Variants in PDCD11 observed in about 807,000 individuals in gnomAD.
PDCD11 encodes protein RRP5 homolog.
Under a neutral mutation model 198.9 loss-of-function variants are expected in PDCD11, and 97 were observed. That is an observed-to-expected ratio of 0.49 (90% CI 0.41 to 0.58). PDCD11 has a LOEUF of 0.58. Among genes scored for constraint, PDCD11 ranks in the 20% least tolerant of loss-of-function variants. PDCD11 has a pLI of 0.00. For missense variants in PDCD11, 2,102 were observed against 2,312.7 expected, an observed-to-expected ratio of 0.91 and a Z score of 1.87; for synonymous variants, 893 against 918.0, an observed-to-expected ratio of 0.97 and a Z score of 0.49.
intron 21 of PDCD11, among the ~76,000 whole-genome samples, chr10:103,430,208 G>A (rs1444980195): frequency 6.6e-6 from 1 of 152,154 alleles, no homozygotes; most frequent in East Asian, 1.9e-4. Context: ...GCCCAGGCTG[G>A]TCTCAAACTT....
intron 33 of PDCD11, 43 bp downstream of exon 33, chr10:103,443,376 C>T: frequency 5.8e-6 from 9 of 1,543,242 alleles, no homozygotes; most frequent in Non-Finnish European, 7.9e-6. Flanking sequence ...AGTTCCAGGG[C>T]CACAATCTCA....
At chr10:103,416,400 C>T (rs2031109169) in intron 12 of PDCD11, 91 bp from the exon 13 acceptor site, 11 of 1,368,114 alleles carry the variant, frequency 8.0e-6, no homozygotes, top group South Asian at 2.6e-5. Flanking sequence ...GGAATGGCCC[C>T]GTGGCTTTTG....
chr10:103,410,669 C>T (rs1203680329), intron 8 of PDCD11, among the ~76,000 whole-genome samples: 4 of 146,470 alleles, frequency 2.7e-5, no homozygotes, highest in Admixed American at 1.4e-4. Context: ...AGTGCAGTGG[C>T]GCAAACACGG....
At chr10:103,445,293 G>A (rs2032557921) in intron 35 of PDCD11, 85 bp from the exon 36 acceptor site, 1 of 1,300,964 alleles carries the variant, frequency 7.7e-7, no homozygotes, top group Non-Finnish European at 1.1e-6. Flanking sequence ...CTGGTTCCAG[G>A]GCTGAGAGCA....
At chr10:103,406,854 AT>A in intron 7 of PDCD11, 64 bp downstream of exon 7, 2 of 1,334,122 alleles carry the variant, frequency 1.5e-6, no homozygotes, top group Non-Finnish European at 2.1e-6. Context: ...TATTAAATGC[AT>A]AAAGTCTAAA....
In PDCD11 at chr10:103,405,965, G is replaced by A. The variant is rs1277032460; in HGVS notation, c.565-20G>A. On this transcript the variant is annotated intron_variant, in intron 5 of 35. Coordinates refer to ENST00000369797, the MANE Select transcript of PDCD11 (RefSeq NM_014976.2). The stretch of plus-strand genomic sequence containing the variant: ...ATTACCTTTGAATTGGAACTTCTGG[G>A]ACTACTTTCTCTTCCCCAGCTACTT... The A allele has an allele frequency of 1.1e-5, 18 of 1,612,532 alleles. No individual in the cohort carries two copies. Among genetic ancestry groups the A allele is most frequent in the Non-Finnish European group, 1.5e-5 (18 of 1,179,006 alleles).
chr10:103,400,654 T>C (rs2029975019), intron 3 of PDCD11, 126 bp downstream of exon 3: 3 of 937,560 alleles, frequency 3.2e-6, no homozygotes, highest in Non-Finnish European at 4.8e-6. Context: ...TTATATTTCA[T>C]GCGTGTGTGT....
intron 4 of PDCD11, 73 bp from the exon 5 acceptor site, chr10:103,404,949 G>A (rs774977940): frequency 2.1e-6 from 3 of 1,442,554 alleles, no homozygotes; most frequent in Non-Finnish European, 1.9e-6. Flanking sequence ...AAGTCACTGA[G>A]CCAAAGCTGG....
At chr10:103,423,490 T>C in intron 18 of PDCD11, 53 bp from the exon 19 acceptor site, 1 of 1,330,568 alleles carries the variant, frequency 7.5e-7, no homozygotes, top group East Asian at 2.3e-5. Flanking sequence ...GAGGTGCTGC[T>C]CTCCCTTCAC....
At chr10:103,409,581 G>A in intron 7 of PDCD11, 118 bp from the exon 8 acceptor site, 2 of 680,516 alleles carry the variant, frequency 2.9e-6, no homozygotes, top group East Asian at 5.2e-5. Context: ...AGTTACCTGG[G>A]AGAGGAGAGA....
intron 17 of PDCD11, 39 bp from the exon 18 acceptor site, chr10:103,422,949 T>C (rs1413180996): frequency 5.6e-6 from 8 of 1,421,122 alleles, no homozygotes; most frequent in Non-Finnish European, 7.4e-6. Flanking sequence ...GAGAGTTCTT[T>C]CATGGTACTA....
chr10:103,438,268 C>A (rs1215380922), intron 26 of PDCD11, among the ~76,000 whole-genome samples, 197 bp downstream of exon 26: 4 of 152,164 alleles, frequency 2.6e-5, no homozygotes, highest in Non-Finnish European at 5.9e-5. Context: ...CTCTTGTTTT[C>A]CATGGAAAGG....
At position 103,418,426 on chromosome 10, in the gene PDCD11, T is replaced by C. The variant is rs749610035; in HGVS notation, c.1912-14T>C. The C allele has an allele frequency of 6.2e-7, 1 of 1,608,250 alleles. No homozygotes were observed. Among genetic ancestry groups the C allele is most frequent in the Non-Finnish European group, 8.5e-7 (1 of 1,176,032 alleles). On this transcript the variant is annotated splice_polypyrimidine_tract_variant and intron_variant, in intron 14 of 35. Transcript: ENST00000369797. Reference sequence around the variant, plus strand: ...ATGACAAGTGCTATTTTTGTCTTTCTCTTCCCTGGGTAGTTGGTAGATGTG... The same window carrying C: ...ATGACAAGTGCTATTTTTGTCTTTCCCTTCCCTGGGTAGTTGGTAGATGTG...
In PDCD11 at chr10:103,427,395, A is replaced by C; in HGVS notation, c.3368+4A>C. The C allele has an allele frequency of 6.2e-7, 1 of 1,609,520 alleles. No individual in the cohort carries two copies. Among genetic ancestry groups the C allele is most frequent in the Non-Finnish European group, 8.5e-7 (1 of 1,177,406 alleles). The stretch of plus-strand genomic sequence containing the variant: ...CGGAGCTGAGTGTTCGGCCAAGGTG[A>C]GGGGGACATTAGCAGCACTGTCTTA... On this transcript the variant is annotated splice_donor_region_variant and intron_variant, in intron 21 of 35. Transcript: ENST00000369797.
chr10:103,437,741 G>GCC (rs1222718791), intron 25 of PDCD11, among the ~76,000 whole-genome samples: 1 of 152,144 alleles, frequency 6.6e-6, no homozygotes, highest in Non-Finnish European at 1.5e-5. Context: ...GCCTACCTCA[G>GCC]CCTCCCAAAG....
intron 3 of PDCD11, 88 bp downstream of exon 3, chr10:103,400,616 C>T (rs2029973328): frequency 2.3e-6 from 3 of 1,325,468 alleles, no homozygotes; most frequent in African/African-American, 1.5e-5. Context: ...CTTCTTTTTT[C>T]CCTTAATTCC....
chr10:103,421,602 G>T, intron 17 of PDCD11, 35 bp downstream of exon 17: 4 of 1,459,268 alleles, frequency 2.7e-6, no homozygotes, highest in South Asian at 1.2e-5. Context: ...GGTGGGCCAG[G>T]GGTGGGAGTA....
intron 23 of PDCD11, 79 bp downstream of exon 23, chr10:103,434,116 T>A: frequency 1.5e-6 from 2 of 1,290,608 alleles, no homozygotes; most frequent in East Asian, 2.3e-5. Context: ...GGGTTTACAG[T>A]GGATTTGAGG....
In PDCD11 at chr10:103,415,163, G is replaced by T; in HGVS notation, c.1518+12G>T. 6.2e-7 allele frequency: 1 copy of T among 1,613,416 alleles called. No homozygotes were observed. The highest frequency in any genetic ancestry group is 1.7e-5 in the Admixed American group (1 of 60,002). ...AGGTCAAGTGCCGGGTGAGCCTCCT[G>T]AAGGGTCTCTTGGGGTTTTGGCTAG... On this transcript the variant is annotated intron_variant, in intron 12 of 35. Transcript: ENST00000369797.
Sources: allele counts gnomAD v4.1 joint callset (sites outside exome capture counted in the v4.1 genomes callset), GRCh38; gene constraint gnomAD v4.1.1; transcripts MANE v1.5; gene names NCBI Gene and HGNC (gene_info 2026-07-23, HGNC 2026-07-21).